The following ZC3H12B variants were observed in gnomAD, a reference collection of about 807,000 sequenced individuals.
ZC3H12B encodes zinc finger CCCH-type containing 12B, also known as probable ribonuclease ZC3H12B.
Under a neutral mutation model 43.9 loss-of-function variants are expected in ZC3H12B, and 7 were observed. The observed-to-expected ratio is 0.16, with a 90% CI of 0.09 to 0.30. The LOEUF (loss-of-function observed/expected upper bound fraction) is 0.30. ZC3H12B is among the 10% of genes least tolerant of loss of function. The pLI is 1.00. For missense variants in ZC3H12B, 475 were observed against 670.2 expected (o/e 0.71, Z 3.22); for synonymous variants, 222 against 241.7 (o/e 0.92, Z 0.76).
the ZC3H12B span, among the ~76,000 whole-genome samples, chrX:65,149,545 C>T: frequency 1.8e-5 from 2 of 109,608 alleles, no homozygotes; most frequent in Non-Finnish European, 3.8e-5. Context: ...ATGGGAGGAT[C>T]CCGAGGTCAG....
At chrX:65,285,043 A>C in the ZC3H12B span, among the ~76,000 whole-genome samples, 1 of 111,019 alleles carries the variant, frequency 9.0e-6, no homozygotes, top group Non-Finnish European at 1.9e-5. Flanking sequence ...AAAGAAACAA[A>C]GAAACGATTA....
At chrX:65,057,151 A>G in the ZC3H12B span, among the ~76,000 whole-genome samples, 2 of 111,668 alleles carry the variant, frequency 1.8e-5, no homozygotes, top group African/African-American at 3.3e-5. Context: ...TATTTTGTTC[A>G]TTAGTTGATG....
chrX:65,475,108 C>A (rs984202473), intron 3 of ZC3H12B, among the ~76,000 whole-genome samples: 29 of 112,015 alleles, frequency 2.6e-4, no homozygotes, highest in Non-Finnish European at 3.6e-4. Flanking sequence ...TACATCCCCC[C>A]CACACACACA....
chrX:65,364,647 G>A (rs750128338), upstream of ZC3H12B, among the ~76,000 whole-genome samples: 1 of 110,980 alleles, frequency 9.0e-6, no homozygotes, highest in Non-Finnish European at 1.9e-5. Flanking sequence ...AGCCTCACAG[G>A]CCCATTCTAT....
At chrX:65,075,406 A>T in the ZC3H12B span, among the ~76,000 whole-genome samples, 1 of 112,570 alleles carries the variant, frequency 8.9e-6, no homozygotes, top group Admixed American at 9.4e-5. Context: ...AGCTGTGTTA[A>T]CATCTGTCTT....
chrX:65,219,383 G>A, the ZC3H12B span, among the ~76,000 whole-genome samples: 3,228 of 111,762 alleles, frequency 0.029, 111 homozygotes, highest in East Asian at 0.25. Context: ...AAAGAAAAGT[G>A]AAGTCCAACT....
the ZC3H12B span, among the ~76,000 whole-genome samples, chrX:65,149,091 C>CA: frequency 1.8e-5 from 2 of 111,738 alleles, no homozygotes; most frequent in East Asian, 5.6e-4. Flanking sequence ...TACCTGGCCA[C>CA]ATTGCTCTGA....
At chrX:65,476,975 T>A (rs771573617) in intron 3 of ZC3H12B, among the ~76,000 whole-genome samples, 1 of 104,557 alleles carries the variant, frequency 9.6e-6, no homozygotes, top group African/African-American at 3.7e-5. Flanking sequence ...ACATGCACCA[T>A]CACTCCTGAC....
the ZC3H12B span, among the ~76,000 whole-genome samples, chrX:65,046,277 G>T: frequency 1.8e-5 from 2 of 111,976 alleles, no homozygotes; most frequent in Non-Finnish European, 3.8e-5. Context: ...CCGATAGAAG[G>T]CTGTTTTATC....
chrX:65,258,825 A>G, the ZC3H12B span, among the ~76,000 whole-genome samples: 1 of 111,631 alleles, frequency 9.0e-6, no homozygotes, highest in Non-Finnish European at 1.9e-5. Context: ...CAATAGCCAC[A>G]AAAAGAATAA....
the ZC3H12B span, among the ~76,000 whole-genome samples, chrX:65,304,172 A>G: frequency 2.8e-4 from 31 of 112,233 alleles, 1 homozygote; most frequent in East Asian, 3.9e-3. Context: ...GGTATTGACA[A>G]TATAGATGAA....
the ZC3H12B span, among the ~76,000 whole-genome samples, chrX:65,240,911 G>T: frequency 1.8e-5 from 2 of 111,640 alleles, no homozygotes; most frequent in East Asian, 5.6e-4. Context: ...ACCAGTGAAG[G>T]GTGCTTCTTT....
At chrX:65,389,698 C>G (rs1021065596) in intron 2 of ZC3H12B, among the ~76,000 whole-genome samples, 115 of 112,558 alleles carry the variant, frequency 1.0e-3, no homozygotes, top group African/African-American at 3.6e-3. Flanking sequence ...ATTGGAAATG[C>G]AGAAATCACC....
the ZC3H12B span, among the ~76,000 whole-genome samples, chrX:65,233,879 A>C: frequency 8.9e-6 from 1 of 111,757 alleles, no homozygotes; most frequent in African/African-American, 3.2e-5. Context: ...CGAGAGACAA[A>C]AAAAGAGACA....
At chrX:65,058,179 T>C in the ZC3H12B span, among the ~76,000 whole-genome samples, 2 of 111,665 alleles carry the variant, frequency 1.8e-5, no homozygotes, top group African/African-American at 3.3e-5. Context: ...AATTTTCACC[T>C]TTTCTGCTCT....
chrX:65,081,698 C>T, the ZC3H12B span, among the ~76,000 whole-genome samples: 1 of 111,659 alleles, frequency 9.0e-6, no homozygotes, highest in Non-Finnish European at 1.9e-5. Context: ...GACTTCAACA[C>T]CCCACTTCCA....
intron 1 of ZC3H12B, among the ~76,000 whole-genome samples, chrX:65,490,259 G>A (rs2068185377): frequency 9.1e-6 from 1 of 109,301 alleles, no homozygotes; most frequent in South Asian, 4.0e-4. Flanking sequence ...GAGGGAAGCA[G>A]CAAGATCAGA....
the ZC3H12B span, among the ~76,000 whole-genome samples, chrX:65,265,334 G>A: frequency 9.0e-6 from 1 of 111,562 alleles, no homozygotes; most frequent in Non-Finnish European, 1.9e-5. Flanking sequence ...AGGGATTATT[G>A]GCAACTGGAG....
chrX:65,500,232 T>A (rs2068345765), intron 4 of ZC3H12B, among the ~76,000 whole-genome samples: 1 of 112,442 alleles, frequency 8.9e-6, no homozygotes, highest in Admixed American at 9.4e-5. Flanking sequence ...ATAGTACATG[T>A]GTTCTACCTG....
Sources: gnomAD v4.1 joint callset for allele counts (sites outside exome capture counted in the v4.1 genomes callset) on GRCh38, gnomAD v4.1.1 for gene constraint, MANE v1.5 for transcripts, NCBI Gene and HGNC (gene_info 2026-07-23, HGNC 2026-07-21) for gene names.